ST6GALNAC3: variants seen among roughly 807,000 people sequenced by gnomAD.
The protein encoded by ST6GALNAC3 is alpha-N-acetylgalactosaminide alpha-2,6-sialyltransferase 3.
Under a neutral mutation model 32.7 loss-of-function variants are expected in ST6GALNAC3, and 25 were observed. The ratio of observed to expected loss-of-function variants is 0.76; its 90% CI spans 0.56 to 1.07. ST6GALNAC3 has a LOEUF of 1.07. Ranked by LOEUF, ST6GALNAC3 falls within the 50% of genes least tolerant of loss-of-function variation. ST6GALNAC3 has a pLI of 0.00. For synonymous variants in ST6GALNAC3, 129 were observed against 133.1 expected, an observed-to-expected ratio of 0.97 and a Z score of 0.21; for missense variants, 355 against 382.4, an observed-to-expected ratio of 0.93 and a Z score of 0.60.
At chr1:76,540,792 T>C (rs1326657296) in intron 3 of ST6GALNAC3, among the ~76,000 whole-genome samples, 2 of 152,204 alleles carry the variant, frequency 1.3e-5, no homozygotes, top group Non-Finnish European at 2.9e-5. Context: ...TTTTATTCAA[T>C]ACAAATCACA....
chr1:76,517,307 A>T (rs1234599237), intron 3 of ST6GALNAC3, among the ~76,000 whole-genome samples: 1 of 151,728 alleles, frequency 6.6e-6, no homozygotes, highest in African/African-American at 2.4e-5. Flanking sequence ...CATTTTTGGT[A>T]CCTCTATGTT....
At chr1:76,453,713 G>A (rs1046475608) in intron 3 of ST6GALNAC3, among the ~76,000 whole-genome samples, 1 of 152,040 alleles carries the variant, frequency 6.6e-6, no homozygotes, top group African/African-American at 2.4e-5. Flanking sequence ...GTCTATCTTG[G>A]AGAATGTTCC....
intron 3 of ST6GALNAC3, among the ~76,000 whole-genome samples, chr1:76,581,683 G>T (rs897071755): frequency 9.2e-5 from 14 of 151,978 alleles, no homozygotes; most frequent in Non-Finnish European, 1.6e-4. Context: ...TTGAACATTG[G>T]CAATTTCATA....
intron 1 of ST6GALNAC3, among the ~76,000 whole-genome samples, chr1:76,199,370 T>C (rs2100534227): frequency 6.6e-6 from 1 of 152,338 alleles, no homozygotes; most frequent in South Asian, 2.1e-4. Flanking sequence ...CACTTGTCAC[T>C]TCCATAAGGA....
chr1:76,086,124 G>A (rs1466219347), intron 1 of ST6GALNAC3, among the ~76,000 whole-genome samples: 1 of 152,190 alleles, frequency 6.6e-6, no homozygotes, highest in East Asian at 1.9e-4. Context: ...TGTTCCTGCT[G>A]ATTGCATATC....
chr1:76,286,689 G>T (rs562740671), intron 1 of ST6GALNAC3, among the ~76,000 whole-genome samples: 1 of 152,330 alleles, frequency 6.6e-6, no homozygotes, highest in Admixed American at 6.5e-5. Context: ...TGAAGCCACC[G>T]GCCTCATGGC....
At chr1:76,211,570 CTG>C (rs919239712) in intron 1 of ST6GALNAC3, among the ~76,000 whole-genome samples, 4 of 151,610 alleles carry the variant, frequency 2.6e-5, no homozygotes, top group African/African-American at 9.7e-5. Context: ...GATTAAGAAA[CTG>C]TGGCACATAT....
At chr1:76,460,333 G>A (rs578089920) in intron 3 of ST6GALNAC3, among the ~76,000 whole-genome samples, 2 of 152,108 alleles carry the variant, frequency 1.3e-5, no homozygotes, top group South Asian at 4.2e-4. Flanking sequence ...TTGTCTTTGT[G>A]CCGTGGTGTT....
In ST6GALNAC3 at chr1:76,308,038, A is replaced by C. The variant is rs1197189428; in HGVS notation, c.19-5767A>C. 3.5e-5 allele frequency: 12 copies of C among 343,552 alleles called. No individual in the cohort carries two copies. The Admixed American group carries it at 4.1e-4, about 12-fold the overall frequency. 21.3% of individuals were successfully genotyped at this position (343,552 alleles called of 1,614,324 possible). On this transcript the variant is annotated intron_variant, in intron 1 of 4. Transcript: ENST00000328299. Reference sequence around the variant, plus strand: ...GTTAAAGGCCCCTTCAGACTTGCCCAAAATGAAGAACAAAGAAGGAGAAAG... The same window carrying C: ...GTTAAAGGCCCCTTCAGACTTGCCCCAAATGAAGAACAAAGAAGGAGAAAG...
chr1:76,630,949 G>A lies in ST6GALNAC3; in HGVS notation c.*2143G>A, dbSNP rs533123188. On this transcript the variant is annotated 3_prime_UTR_variant, in exon 5 of 5. Coordinates refer to ENST00000328299, the MANE Select transcript of ST6GALNAC3 (RefSeq NM_152996.4). ...ATAAAAAGAAATCCTTGATTAATCAGAATGGCTTGGGACATGAACTTAATT... is the reference window on the plus strand; with the variant it reads ...ATAAAAAGAAATCCTTGATTAATCAAAATGGCTTGGGACATGAACTTAATT... 143 of 985,482 alleles carry A rather than the reference G, an allele frequency of 1.5e-4. No individual in the cohort carries two copies. In the African/African-American group the frequency reaches 2.0e-3, roughly 14 times the overall value. The allele number at this position is 985,482 out of a possible 1,614,324, so 61.0% of individuals were successfully genotyped here. A position where few individuals can be genotyped will look rare whatever the true frequency, so the allele number is the denominator to read the frequency against.
chr1:76,241,288 T>G (rs1656949306), intron 1 of ST6GALNAC3, among the ~76,000 whole-genome samples: 1 of 152,160 alleles, frequency 6.6e-6, no homozygotes, highest in Admixed American at 6.5e-5. Context: ...GGCTCGCAAT[T>G]CTGATATCTA....
chr1:76,095,037 C>T (rs1026492922), intron 1 of ST6GALNAC3, among the ~76,000 whole-genome samples: 1 of 151,958 alleles, frequency 6.6e-6, no homozygotes, highest in Non-Finnish European at 1.5e-5. Flanking sequence ...TTAGGTGATA[C>T]GATATGTACA....
chr1:76,269,271 G>T (rs993674693), intron 1 of ST6GALNAC3, among the ~76,000 whole-genome samples: 3 of 152,124 alleles, frequency 2.0e-5, no homozygotes, highest in Non-Finnish European at 4.4e-5. Flanking sequence ...TTTAGGGATT[G>T]TATGGAGTAT....
chr1:76,320,985 TTA>T (rs147021451), intron 2 of ST6GALNAC3, among the ~76,000 whole-genome samples: 42 of 144,390 alleles, frequency 2.9e-4, no homozygotes, highest in South Asian at 6.6e-4. Flanking sequence ...CACACACACA[TTA>T]TATATATATA....
chr1:76,142,418 G>A (rs1427913498), intron 1 of ST6GALNAC3, among the ~76,000 whole-genome samples: 6 of 152,110 alleles, frequency 3.9e-5, no homozygotes, highest in African/African-American at 1.4e-4. Context: ...ACTTCCTAGG[G>A]TGTTGTCTAC....
At chr1:76,280,073 C>G (rs1295616713) in intron 1 of ST6GALNAC3, among the ~76,000 whole-genome samples, 4 of 152,012 alleles carry the variant, frequency 2.6e-5, no homozygotes, top group Non-Finnish European at 5.9e-5. Context: ...CTTTCCTTCT[C>G]CCTCCACTTC....
At chr1:76,203,394 A>T (rs925302434) in intron 1 of ST6GALNAC3, among the ~76,000 whole-genome samples, 3 of 152,200 alleles carry the variant, frequency 2.0e-5, no homozygotes, top group African/African-American at 7.2e-5. Flanking sequence ...ATCTCTGGGC[A>T]TTAGTCTGCG....
At chr1:76,487,459 G>A (rs1001948241) in intron 3 of ST6GALNAC3, among the ~76,000 whole-genome samples, 18 of 151,914 alleles carry the variant, frequency 1.2e-4, no homozygotes, top group African/African-American at 2.2e-4. Flanking sequence ...CTCTCTTCTC[G>A]CTTCATTTCA....
At chr1:76,375,450 G>C (rs1425816478) in intron 2 of ST6GALNAC3, among the ~76,000 whole-genome samples, 1 of 152,174 alleles carries the variant, frequency 6.6e-6, no homozygotes, top group Non-Finnish European at 1.5e-5. Context: ...CTAAGGAAAA[G>C]TTACAAGCCA....
Sources: allele counts gnomAD v4.1 joint callset (sites outside exome capture counted in the v4.1 genomes callset), GRCh38; gene constraint gnomAD v4.1.1; transcripts MANE v1.5; gene names NCBI Gene and HGNC (gene_info 2026-07-23, HGNC 2026-07-21).